The following RILPL1 variants were observed in gnomAD, a reference collection of about 807,000 sequenced individuals.
The protein encoded by RILPL1 is RILP-like protein 1.
A neutral mutation model predicts 50.3 loss-of-function variants in RILPL1; 33 were observed. That is an observed-to-expected ratio of 0.66 (90% CI 0.50 to 0.88). The LOEUF (loss-of-function observed/expected upper bound fraction) is 0.88. RILPL1 is among the 40% of genes least tolerant of loss of function. RILPL1 has a pLI of 0.00. For synonymous variants in RILPL1, 205 were observed against 228.6 expected (o/e 0.90, Z 0.93); for missense variants, 418 against 542.5 (o/e 0.77, Z 2.28).
chr12:123,507,639 G>A (rs560871378), intron 2 of RILPL1, among the ~76,000 whole-genome samples: 1 of 151,306 alleles, frequency 6.6e-6, no homozygotes, highest in South Asian at 2.1e-4. Context: ...CTGCTGATGG[G>A]AATGTAAAAT....
intron 2 of RILPL1, among the ~76,000 whole-genome samples, chr12:123,512,785 TGA>T (rs1029496671): frequency 1.4e-5 from 2 of 144,282 alleles, no homozygotes; most frequent in African/African-American, 5.2e-5. Flanking sequence ...GTGTGGTGTG[TGA>T]GGTTTGTGTG....
Position 123,485,296 on chromosome 12 carries a change from C to T in RILPL1, c.974+337G>A, listed in dbSNP as rs530963660. On this transcript the variant is annotated intron_variant, in intron 5 of 6. Coordinates refer to ENST00000376874, the MANE Select transcript of RILPL1 (RefSeq NM_178314.5). This position sits in a 1 kb window ranked among gnomAD's most constrained non-coding sequence, Gnocchi z 4.0. ...AAAGGGCCACATAGACCATTAACAC[C>T]GGGGCCGGGTTTCATTCATTCATTC... 113 of 458,660 alleles carry T rather than the reference C, an allele frequency of 2.5e-4. No individual in the cohort carries two copies. Among genetic ancestry groups the T allele is most frequent in the Non-Finnish European group, 3.6e-4 (83 of 229,512 alleles). The allele number at this position is 458,660 out of a possible 1,614,324, so 28.4% of individuals were successfully genotyped here. A position where few individuals can be genotyped will look rare whatever the true frequency, so the allele number is the denominator to read the frequency against.
intron 2 of RILPL1, among the ~76,000 whole-genome samples, chr12:123,512,352 A>ATG (rs764177999): frequency 0.012 from 892 of 72,520 alleles, 24 homozygotes; most frequent in African/African-American, 0.047. Context: ...TGAGGTCTGT[A>ATG]TGTGTGTGTG....
chr12:123,472,763 A>C, intron 6 of RILPL1, 81 bp from the exon 7 acceptor site: 1 of 1,463,310 alleles, frequency 6.8e-7, no homozygotes. Flanking sequence ...CCGGAGACAT[A>C]TAGCAGCAAA....
intron 2 of RILPL1, among the ~76,000 whole-genome samples, chr12:123,500,278 C>CTTT (rs61119415): frequency 1.8e-3 from 160 of 88,262 alleles, no homozygotes; most frequent in Non-Finnish European, 2.4e-3. Context: ...GTGTCCCTTT[C>CTTT]TTTTTTTTTT....
intron 2 of RILPL1, among the ~76,000 whole-genome samples, chr12:123,509,757 C>G (rs73412281): frequency 1.3e-5 from 2 of 152,124 alleles, no homozygotes; most frequent in African/African-American, 2.4e-5. Context: ...AGGGGTCCAG[C>G]GCCCTGCTGC....
chr12:123,522,551 CCT>C lies in RILPL1; in HGVS notation c.460+942_460+943del, dbSNP rs532075588. Among the ~76,000 whole-genome samples, 171 of 152,248 alleles carry C rather than the reference CCT, an allele frequency of 1.1e-3. No individual in the cohort carries two copies. Among genetic ancestry groups the C allele is most frequent in the African/African-American group, 3.9e-3 (161 of 41,548 alleles). On this transcript the variant is annotated intron_variant, in intron 2 of 6. Transcript: ENST00000376874. The surrounding 1 kb of genome is among the most constrained non-coding windows in gnomAD (Gnocchi z 4.0). Reference sequence around the variant, plus strand: ...CTCTAAGGAGCTACATGAACTGACCCCTGTGACCTCATTTCCAGCCTCCTGAG... The same window carrying C: ...CTCTAAGGAGCTACATGAACTGACCCGTGACCTCATTTCCAGCCTCCTGAG...
chr12:123,531,582 T>A (rs759262027), intron 1 of RILPL1, among the ~76,000 whole-genome samples: 7 of 152,128 alleles, frequency 4.6e-5, no homozygotes, highest in Non-Finnish European at 8.8e-5. Flanking sequence ...GGTTTCCTAA[T>A]ATGAGCCTGT....
chr12:123,500,551 C>T (rs1883316746), intron 2 of RILPL1, among the ~76,000 whole-genome samples: 1 of 152,064 alleles, frequency 6.6e-6, no homozygotes, highest in Admixed American at 6.5e-5. Flanking sequence ...TCCCGAAGTG[C>T]TGGGATTACA....
rs1489499168 is a variant in RILPL1, at chr12:123,523,384, G to A, written c.460+111C>T. The A allele has an allele frequency of 6.3e-6, 8 of 1,275,982 alleles. No homozygotes were observed. The Admixed American group carries it at 7.4e-5, about 12-fold the overall frequency. The allele number at this position is 1,275,982 out of a possible 1,614,324, so 79.0% of individuals were successfully genotyped here. A position where few individuals can be genotyped will look rare whatever the true frequency, so the allele number is the denominator to read the frequency against. The stretch of plus-strand genomic sequence containing the variant: ...ACAATACAGAAGGCAAAGGGCTTTG[G>A]GAATCAGCCAGCACCGCATCAGCGT... On this transcript the variant is annotated intron_variant, in intron 2 of 6. Coordinates refer to ENST00000376874, the MANE Select transcript of RILPL1 (RefSeq NM_178314.5).
In RILPL1 at chr12:123,491,388, A is replaced by G. The variant is rs1419730281; in HGVS notation, c.802-5583T>C. Among the ~76,000 whole-genome samples the G allele has an allele frequency of 6.6e-6, 1 of 152,126 alleles. No individual in the cohort carries two copies. The highest frequency in any genetic ancestry group is 1.5e-5 in the Non-Finnish European group (1 of 68,012). On this transcript the variant is annotated intron_variant, in intron 4 of 6. Transcript: ENST00000376874. The surrounding 1 kb of genome is among the most constrained non-coding windows in gnomAD (Gnocchi z 4.0). Reference sequence around the variant, plus strand: ...GCTGCTTCCCAGGAAGGCCCAAGAGACCAACTAACAAGCCACGAGGCTGCC... The same window carrying G: ...GCTGCTTCCCAGGAAGGCCCAAGAGGCCAACTAACAAGCCACGAGGCTGCC...
At chr12:123,479,199 G>C (rs1231830820) in intron 6 of RILPL1, among the ~76,000 whole-genome samples, 1 of 152,110 alleles carries the variant, frequency 6.6e-6, no homozygotes, top group African/African-American at 2.4e-5. Context: ...GCTTCTCTGG[G>C]CCTCAGTTCC....
chr12:123,485,316 T>C lies in RILPL1; in HGVS notation c.974+317A>G. On this transcript the variant is annotated intron_variant, in intron 5 of 6. Transcript: ENST00000376874. This position sits in a 1 kb window ranked among gnomAD's most constrained non-coding sequence, Gnocchi z 4.0. The stretch of plus-strand genomic sequence containing the variant: ...AACACCGGGGCCGGGTTTCATTCAT[T>C]CATTCATTTAAAAAAAGAGATGAGG... 1 of 469,600 alleles carries C rather than the reference T, an allele frequency of 2.1e-6. No homozygotes were observed. Among genetic ancestry groups the C allele is most frequent in the East Asian group, 5.7e-5 (1 of 17,498 alleles). The allele number at this position is 469,600 out of a possible 1,614,324, so 29.1% of individuals were successfully genotyped here. A position where few individuals can be genotyped will look rare whatever the true frequency, so the allele number is the denominator to read the frequency against.
intron 2 of RILPL1, among the ~76,000 whole-genome samples, chr12:123,520,260 C>T (rs61953537): frequency 0.03 from 4,598 of 152,244 alleles, 106 homozygotes; most frequent in South Asian, 0.1. Flanking sequence ...TCAGACAATT[C>T]GGACATGAAA....
intron 4 of RILPL1, among the ~76,000 whole-genome samples, chr12:123,490,794 A>G (rs1882642899): frequency 1.4e-5 from 2 of 141,516 alleles, no homozygotes; most frequent in Middle Eastern, 7.5e-3. Context: ...CTTGTTGCCC[A>G]GGCTAGAGTG....
At chr12:123,509,825 G>C (rs573966547) in intron 2 of RILPL1, among the ~76,000 whole-genome samples, 1 of 152,294 alleles carries the variant, frequency 6.6e-6, no homozygotes, top group South Asian at 2.1e-4. Flanking sequence ...GGTTACAGAG[G>C]GGCAATTCTG....
At chr12:123,508,744 C>T (rs962894575) in intron 2 of RILPL1, among the ~76,000 whole-genome samples, 2 of 152,166 alleles carry the variant, frequency 1.3e-5, no homozygotes, top group Non-Finnish European at 2.9e-5. Context: ...TGGCTCGTGC[C>T]TGTAATCCCA....
At chr12:123,513,434 T>C in intron 2 of RILPL1, 1 of 279,534 alleles carries the variant, frequency 3.6e-6, no homozygotes, top group East Asian at 1.2e-4. Flanking sequence ...GAGGGGCGGC[T>C]GGGTCTATGT....
chr12:123,473,749 C>T (rs1449949626), intron 6 of RILPL1: 2 of 151,258 alleles, frequency 1.3e-5, no homozygotes, highest in African/African-American at 4.9e-5. Context: ...TCAGAGAGAG[C>T]CATCAGGAAC....
Sources: allele counts gnomAD v4.1 joint callset (sites outside exome capture counted in the v4.1 genomes callset), GRCh38; gene constraint gnomAD v4.1.1; non-coding constraint Gnocchi (gnomAD v3.1); transcripts MANE v1.5; gene names NCBI Gene and HGNC (gene_info 2026-07-23, HGNC 2026-07-21).